ZNF365: variants seen among roughly 807,000 people sequenced by gnomAD.
ZNF365 encodes zinc finger protein 365, also known as protein ZNF365.
Under a neutral mutation model 35.0 loss-of-function variants are expected in ZNF365, and 22 were observed. The observed-to-expected ratio is 0.63, with a 90% confidence interval of 0.45 to 0.90. The LOEUF is 0.90. Among genes scored for constraint, ZNF365 ranks in the 40% least tolerant of loss-of-function variants. ZNF365 has a pLI of 0.00. For missense variants in ZNF365, 448 were observed against 500.3 expected (o/e 0.90, Z 1.00); for synonymous variants, 188 against 196.2 (o/e 0.96, Z 0.35).
At chr10:62,420,349 A>C (rs964295378) in intron 3 of ZNF365, among the ~76,000 whole-genome samples, 5 of 152,170 alleles carry the variant, frequency 3.3e-5, no homozygotes, top group African/African-American at 7.2e-5. Flanking sequence ...CCAGTGATTC[A>C]ATTTTTTTGT....
chr10:62,479,978 A>T, exon 5 of ZNF365: 7 of 1,595,690 alleles, frequency 4.4e-6, no homozygotes, highest in Non-Finnish European at 6.0e-6. Flanking sequence ...GCTTTCATTC[A>T]TTCAACAAAT....
intron 4 of ZNF365, among the ~76,000 whole-genome samples, chr10:62,463,272 C>T (rs1197812256): frequency 6.6e-6 from 1 of 152,224 alleles, no homozygotes; most frequent in African/African-American, 2.4e-5. Flanking sequence ...TGGCTAATTA[C>T]TGGTCACCTC....
chr10:62,415,118 T>C (rs1221072296), intron 3 of ZNF365, among the ~76,000 whole-genome samples: 1 of 152,214 alleles, frequency 6.6e-6, no homozygotes, highest in Non-Finnish European at 1.5e-5. Context: ...AGTAAAAGTC[T>C]TTGCTAATTC....
intron 4 of ZNF365, 96 bp downstream of exon 4, chr10:62,398,873 T>C (rs1839775906): frequency 2.5e-6 from 3 of 1,201,512 alleles, no homozygotes; most frequent in Non-Finnish European, 3.5e-6. Context: ...TTTTATATGA[T>C]ATCTATATTA....
chr10:62,448,694 C>T (rs766316219), intron 3 of ZNF365, among the ~76,000 whole-genome samples: 16 of 152,094 alleles, frequency 1.1e-4, no homozygotes, highest in Non-Finnish European at 1.9e-4. Flanking sequence ...AGATTCCTTT[C>T]AAATCTAGGA....
At chr10:62,471,094 C>T (rs950953906) in intron 4 of ZNF365, among the ~76,000 whole-genome samples, 1 of 151,920 alleles carries the variant, frequency 6.6e-6, no homozygotes, top group Admixed American at 6.6e-5. Context: ...AGGCCGGGTG[C>T]CGTGGCTCAC....
chr10:62,436,507 G>A (rs1479110230), intron 3 of ZNF365, among the ~76,000 whole-genome samples: 1 of 152,126 alleles, frequency 6.6e-6, no homozygotes, highest in African/African-American at 2.4e-5. Flanking sequence ...AAAATATAAT[G>A]CTAAAAAGGA....
At chr10:62,406,662 A>T (rs1348696275), downstream of ZNF365, among the ~76,000 whole-genome samples, 1 of 152,218 alleles carries the variant, frequency 6.6e-6, no homozygotes, top group Non-Finnish European at 1.5e-5. Flanking sequence ...TTGCAGAATG[A>T]ACAGGATTGG....
chr10:62,389,012 G>A (rs1839576837), intron 3 of ZNF365, among the ~76,000 whole-genome samples: 1 of 152,030 alleles, frequency 6.6e-6, no homozygotes. Flanking sequence ...TTAATGGGGG[G>A]CAAGCACTGT....
At chr10:62,461,891 T>C (rs1840853852) in intron 4 of ZNF365, among the ~76,000 whole-genome samples, 2 of 152,248 alleles carry the variant, frequency 1.3e-5, no homozygotes, top group South Asian at 2.1e-4. Context: ...TATCAACTTA[T>C]ATTAAAAATA....
chr10:62,402,212 A>T lies in ZNF365; in HGVS notation c.*2423A>T. The T allele has an allele frequency of 1.0e-6, 1 of 985,942 alleles. No homozygotes were observed. The highest frequency in any genetic ancestry group is 1.2e-6 in the Non-Finnish European group (1 of 829,910). 61.1% of individuals were successfully genotyped at this position (985,942 alleles called of 1,614,324 possible). A position where few individuals can be genotyped will look rare whatever the true frequency, so the allele number is the denominator to read the frequency against. On this transcript the variant is annotated 3_prime_UTR_variant, in exon 5 of 5. Transcript: ENST00000395254. ...TGTTCAAGGTTGAAATGGAGAGTAG[A>T]TTTAATTTTATTTGTCTTGTAGGGA... is the stretch of plus-strand genomic sequence containing the variant.
chr10:62,411,700 G>C (rs1258273141), intron 3 of ZNF365, among the ~76,000 whole-genome samples: 6 of 152,064 alleles, frequency 3.9e-5, no homozygotes, highest in Admixed American at 3.9e-4. Context: ...ACAGTTTGAA[G>C]TTGGGTAGCA....
chr10:62,449,721 T>C (rs1296137238), intron 3 of ZNF365, among the ~76,000 whole-genome samples: 5 of 152,150 alleles, frequency 3.3e-5, no homozygotes, highest in Non-Finnish European at 5.9e-5. Context: ...GTCACTATCA[T>C]CTTTTTCTTT....
At chr10:62,445,435 C>T (rs185722907) in intron 3 of ZNF365, among the ~76,000 whole-genome samples, 112 of 152,108 alleles carry the variant, frequency 7.4e-4, no homozygotes, top group African/African-American at 2.6e-3. Context: ...TCTCCAGCAC[C>T]TGTTGTTTCC....
intron 4 of ZNF365, among the ~76,000 whole-genome samples, chr10:62,461,862 C>T (rs538345231): frequency 6.6e-6 from 1 of 152,250 alleles, no homozygotes; most frequent in South Asian, 2.1e-4. Context: ...CCTTTAATCC[C>T]TTCGACAATA....
At position 62,459,762 on chromosome 10, in the gene ZNF365, G is replaced by A. The variant is rs1187176366; in HGVS notation, c.946G>A (p.Ala316Thr). ...TCAGAGCTGGAAAGGTGCTGGCGAAGCTCGCCTGGTGTGCCAAAATGACCT... is the reference window on the plus strand; with the variant it reads ...TCAGAGCTGGAAAGGTGCTGGCGAAACTCGCCTGGTGTGCCAAAATGACCT... Residue 316 changes from alanine to threonine, a missense_variant, in exon 4 of 5, where the codon GCT becomes ACT. Transcript: ENST00000395255. 3 of 1,610,978 alleles carry A rather than the reference G, an allele frequency of 1.9e-6. No individual in the cohort carries two copies. In the African/African-American group the frequency reaches 4.0e-5, roughly 22 times the overall value.
At chr10:62,456,682 A>G (rs1914181) in intron 3 of ZNF365, among the ~76,000 whole-genome samples, 149,984 of 152,300 alleles carry the variant, frequency 0.98, 73,900 homozygotes, top group Middle Eastern at 1. Flanking sequence ...CAGTCTGCAC[A>G]CTTCATCTTC....
At chr10:62,443,798 C>A (rs79973974) in intron 3 of ZNF365, among the ~76,000 whole-genome samples, 1 of 152,100 alleles carries the variant, frequency 6.6e-6, no homozygotes, top group Non-Finnish European at 1.5e-5. Context: ...AGGAGGTAAT[C>A]GCCTTTAACT....
intron 4 of ZNF365, among the ~76,000 whole-genome samples, chr10:62,477,392 T>C (rs1841149714): frequency 6.6e-6 from 1 of 152,170 alleles, no homozygotes. Context: ...AACTACATGC[T>C]AGATAAGAAA....
Sources: gnomAD v4.1 joint callset for allele counts (sites outside exome capture counted in the v4.1 genomes callset) on GRCh38, gnomAD v4.1.1 for gene constraint, MANE v1.5 for transcripts, NCBI Gene and HGNC (gene_info 2026-07-23, HGNC 2026-07-21) for gene names.